The following PPFIBP2 variants were observed in gnomAD, a reference collection of about 807,000 sequenced individuals.
PPFIBP2 encodes liprin-beta-2.
A neutral mutation model predicts 118.3 loss-of-function variants in PPFIBP2; 118 were observed. The ratio of observed to expected loss-of-function variants is 1.00; its 90% CI spans 0.86 to 1.16. PPFIBP2 has a LOEUF of 1.16. PPFIBP2 is among the 50% of genes most tolerant of loss of function. PPFIBP2 has a pLI of 0.00. For missense variants in PPFIBP2, 1,195 were observed against 1,073.1 expected, an observed-to-expected ratio of 1.11 and a Z score of -1.59; for synonymous variants, 414 against 397.4, an observed-to-expected ratio of 1.04 and a Z score of -0.50.
intron 2 of PPFIBP2, among the ~76,000 whole-genome samples, chr11:7,552,111 T>C (rs1289159383): frequency 6.6e-6 from 1 of 152,238 alleles, no homozygotes; most frequent in East Asian, 1.9e-4. Flanking sequence ...TGCAAATTGG[T>C]TCTTTGCAGA....
intron 4 of PPFIBP2, among the ~76,000 whole-genome samples, chr11:7,594,804 C>T (rs1164348093): frequency 6.6e-6 from 1 of 151,380 alleles, no homozygotes; most frequent in Non-Finnish European, 1.5e-5. Context: ...GTAATCCCAG[C>T]TACTCGGAAG....
intron 10 of PPFIBP2, 39 bp downstream of exon 10, chr11:7,629,573 T>G: frequency 6.3e-7 from 1 of 1,596,826 alleles, no homozygotes. Flanking sequence ...CTCTGAAAGA[T>G]ATTCCATCAG....
intron 2 of PPFIBP2, among the ~76,000 whole-genome samples, chr11:7,560,019 C>G (rs1208913308): frequency 6.6e-6 from 1 of 152,168 alleles, no homozygotes; most frequent in African/African-American, 2.4e-5. Flanking sequence ...GTCCTGTTTC[C>G]AGAAGGTTCC....
At chr11:7,641,289 C>G (rs1199426202) in intron 15 of PPFIBP2, among the ~76,000 whole-genome samples, 190 bp from the exon 16 acceptor site, 1 of 152,182 alleles carries the variant, frequency 6.6e-6, no homozygotes, top group Non-Finnish European at 1.5e-5. Flanking sequence ...ATATTGAGCA[C>G]ACTAATTTCT....
chr11:7,607,770 C>G (rs776054777), intron 5 of PPFIBP2, among the ~76,000 whole-genome samples: 26 of 152,074 alleles, frequency 1.7e-4, no homozygotes, highest in Non-Finnish European at 5.9e-5. Flanking sequence ...ACATTATAGT[C>G]CATCTCTAGC....
At chr11:7,562,938 TA>T (rs763648911) in intron 2 of PPFIBP2, among the ~76,000 whole-genome samples, 26,885 of 68,836 alleles carry the variant, frequency 0.39, 3,498 homozygotes, top group African/African-American at 0.51. Context: ...TTTATATATA[TA>T]TATATATATA....
At chr11:7,639,691 A>C in intron 14 of PPFIBP2, 41 bp from the exon 15 acceptor site, 1 of 1,612,858 alleles carries the variant, frequency 6.2e-7, no homozygotes, top group Non-Finnish European at 8.5e-7. Context: ...TGAGGCTGAC[A>C]GTTAAGTCGG....
At chr11:7,665,365 G>T in the PPFIBP2 span, 2 of 1,539,990 alleles carry the variant, frequency 1.3e-6, no homozygotes, top group Non-Finnish European at 1.8e-6. Flanking sequence ...TGCTGAGCAC[G>T]TGGAGGTGTT....
chr11:7,583,199 A>G (rs1028381924), intron 3 of PPFIBP2, among the ~76,000 whole-genome samples: 1 of 152,124 alleles, frequency 6.6e-6, no homozygotes, highest in African/African-American at 2.4e-5. Context: ...TTCCCAGGCA[A>G]TCTTCCCCAT....
chr11:7,557,040 G>C (rs1853715248), intron 2 of PPFIBP2, among the ~76,000 whole-genome samples: 1 of 152,092 alleles, frequency 6.6e-6, no homozygotes, highest in African/African-American at 2.4e-5. Flanking sequence ...TTCATCCTCT[G>C]TATTCTTCTG....
intron 3 of PPFIBP2, among the ~76,000 whole-genome samples, chr11:7,592,298 C>A (rs1265311601): frequency 6.6e-6 from 1 of 152,086 alleles, no homozygotes; most frequent in Non-Finnish European, 1.5e-5. Flanking sequence ...TCAGACACAC[C>A]CAAGAAAGTG....
In PPFIBP2 at chr11:7,565,720, C is replaced by A. The variant is rs758341225; in HGVS notation, c.232C>A (p.Pro78Thr). The change falls in exon 3 of 24, where the codon CCT becomes ACT. Residue 78 changes from proline to threonine, a missense_variant. Transcript: ENST00000299492. ...QERAALLSQI[P>T]GPTAAYIKEW... ...GAGAGCAGCCCTCCTGAGCCAGATCCCTGGCCCAACAGCTGCCTACATAAA... is the reference window on the plus strand; with the variant it reads ...GAGAGCAGCCCTCCTGAGCCAGATCACTGGCCCAACAGCTGCCTACATAAA... 18 of 1,614,070 alleles carry A rather than the reference C, an allele frequency of 1.1e-5. No individual in the cohort carries two copies. Among genetic ancestry groups the A allele is most frequent in the Non-Finnish European group, 1.4e-5 (17 of 1,180,034 alleles).
the PPFIBP2 span, among the ~76,000 whole-genome samples, chr11:7,664,066 G>A: frequency 1.7e-3 from 258 of 152,320 alleles, 2 homozygotes; most frequent in African/African-American, 5.8e-3. Flanking sequence ...CTAGTGAGAT[G>A]AACCCGGTAC....
intron 3 of PPFIBP2, among the ~76,000 whole-genome samples, chr11:7,585,565 A>C (rs1858007441): frequency 6.6e-6 from 1 of 152,232 alleles, no homozygotes; most frequent in South Asian, 2.1e-4. Flanking sequence ...GCACATGTGA[A>C]GAGTGTGTTC....
chr11:7,516,136 G>A (rs532121838), intron 1 of PPFIBP2, among the ~76,000 whole-genome samples: 29 of 152,322 alleles, frequency 1.9e-4, no homozygotes, highest in African/African-American at 7.0e-4. Flanking sequence ...AGTTCCCCCA[G>A]GTGATTCTGT....
chr11:7,580,869 C>G (rs138611184), intron 3 of PPFIBP2, among the ~76,000 whole-genome samples: 50 of 152,292 alleles, frequency 3.3e-4, no homozygotes, highest in Non-Finnish European at 6.5e-4. Context: ...TGGTGATTAT[C>G]AGGAAGGGAG....
chr11:7,541,761 A>G (rs11041433), intron 1 of PPFIBP2, among the ~76,000 whole-genome samples: 3 of 151,866 alleles, frequency 2.0e-5, no homozygotes, highest in Non-Finnish European at 4.4e-5. Context: ...CTAGGTGTCT[A>G]TAGGCCTCTT....
At chr11:7,520,301 G>C (rs1590093143) in intron 1 of PPFIBP2, among the ~76,000 whole-genome samples, 1 of 152,240 alleles carries the variant, frequency 6.6e-6, no homozygotes, top group Middle Eastern at 3.4e-3. Context: ...TTGGTTTTCA[G>C]GGGGTACGTG....
chr11:7,647,020 A>T (rs1449199549), intron 17 of PPFIBP2, among the ~76,000 whole-genome samples: 1 of 152,172 alleles, frequency 6.6e-6, no homozygotes, highest in Non-Finnish European at 1.5e-5. Flanking sequence ...AGGACCCATG[A>T]AAGCCCAGGT....
Sources: allele counts gnomAD v4.1 joint callset (sites outside exome capture counted in the v4.1 genomes callset), GRCh38; gene constraint gnomAD v4.1.1; transcripts MANE v1.5; gene names NCBI Gene and HGNC (gene_info 2026-07-23, HGNC 2026-07-21).